WWOX: variants seen among roughly 807,000 people sequenced by gnomAD.
The protein encoded by WWOX is WW domain containing oxidoreductase.
In WWOX, 69 loss-of-function variants were observed where a neutral mutation model predicts 46.2. The ratio of observed to expected loss-of-function variants is 1.49; its 90% CI spans 1.23 to 1.82. WWOX has a LOEUF of 1.82. Among genes scored for constraint, WWOX ranks in the 40% most tolerant of loss-of-function variants. The pLI, the probability that WWOX is intolerant of heterozygous loss-of-function variation, is 0.00. For synonymous variants in WWOX, 359 were observed against 202.6 expected (o/e 1.77, Z -6.56); for missense variants, 919 against 542.6 (o/e 1.69, Z -6.89).
chr16:78,579,201 A>C (rs778287031), intron 8 of WWOX, among the ~76,000 whole-genome samples: 1 of 152,122 alleles, frequency 6.6e-6, no homozygotes, highest in African/African-American at 2.4e-5. Flanking sequence ...GTGTTACTTT[A>C]CTAACTACCA....
chr16:78,758,534 G>A (rs190643944), intron 8 of WWOX, among the ~76,000 whole-genome samples: 80 of 152,274 alleles, frequency 5.3e-4, no homozygotes, highest in South Asian at 1.0e-3. Context: ...GTGTCGTAAC[G>A]CCACTATCTA....
At position 78,427,725 on chromosome 16, in the gene WWOX, C is replaced by T. The variant is rs76042796; in HGVS notation, c.791+2670C>T. ...CCCAGGAGTTTGAGGTTGCGGTAAG[C>T]GTTGATCATGCCACTGCATTCCAGC... On this transcript the variant is annotated intron_variant, in intron 7 of 8. Coordinates refer to ENST00000566780, the MANE Select transcript of WWOX (RefSeq NM_016373.4). 6.6e-3 allele frequency among the ~76,000 whole-genome samples: 1,007 copies of T among 152,092 alleles called. 6 individuals carry two copies. Among genetic ancestry groups the T allele is most frequent in the African/African-American group, 0.023 (942 of 41,488 alleles).
intron 8 of WWOX, among the ~76,000 whole-genome samples, chr16:78,787,287 G>C (rs1001893582): frequency 6.6e-6 from 1 of 152,034 alleles, no homozygotes; most frequent in African/African-American, 2.4e-5. Flanking sequence ...ACCATCCCCC[G>C]CTAAAGAAAC....
At chr16:78,855,035 A>C (rs543559045) in intron 8 of WWOX, among the ~76,000 whole-genome samples, 1 of 152,282 alleles carries the variant, frequency 6.6e-6, no homozygotes, top group South Asian at 2.1e-4. Context: ...ATCATAAATA[A>C]GTCAGGACTA....
chr16:78,425,057 TG>T lies in WWOX; in HGVS notation c.791+5del. On this transcript the variant is annotated splice_donor_region_variant and intron_variant, in intron 7 of 8. Transcript: ENST00000566780. The stretch of plus-strand genomic sequence containing the variant: ...TGTGGTCTCCTCAGAGTCCCATCGG[TG>T]GGTTTGAATTGCATATTTGTTCACT... The T allele has an allele frequency of 6.2e-7, 1 of 1,613,370 alleles. No individual in the cohort carries two copies. The highest frequency in any genetic ancestry group is 8.5e-7 in the Non-Finnish European group (1 of 1,179,996).
chr16:78,166,442 T>C (rs2034974049), intron 5 of WWOX, among the ~76,000 whole-genome samples: 1 of 152,252 alleles, frequency 6.6e-6, no homozygotes, highest in African/African-American at 2.4e-5. Flanking sequence ...TTTACGTATT[T>C]GTGAGTAAAT....
At chr16:79,066,659 C>T (rs2048447434) in intron 8 of WWOX, among the ~76,000 whole-genome samples, 1 of 152,200 alleles carries the variant, frequency 6.6e-6, no homozygotes, top group Non-Finnish European at 1.5e-5. Context: ...CATTCAGGTG[C>T]CCACTTAATT....
At chr16:79,162,436 C>T (rs755630776) in intron 8 of WWOX, among the ~76,000 whole-genome samples, 14 of 152,230 alleles carry the variant, frequency 9.2e-5, no homozygotes, top group Admixed American at 5.2e-4. Context: ...CTTCTGGATT[C>T]CGTAGGTAGG....
chr16:78,194,018 C>A (rs1281130510), intron 5 of WWOX, among the ~76,000 whole-genome samples: 1 of 151,226 alleles, frequency 6.6e-6, no homozygotes, highest in East Asian at 2.0e-4. Context: ...GCTGGGACTA[C>A]AGGCGCCCAC....
chr16:78,221,727 G>A (rs1012862320), intron 5 of WWOX, among the ~76,000 whole-genome samples: 1 of 152,138 alleles, frequency 6.6e-6, no homozygotes, highest in African/African-American at 2.4e-5. Flanking sequence ...AGATTGCCTT[G>A]GAGTGATGTG....
chr16:78,476,530 C>T (rs1651172847), intron 8 of WWOX, among the ~76,000 whole-genome samples: 1 of 151,940 alleles, frequency 6.6e-6, no homozygotes, highest in African/African-American at 2.4e-5. Flanking sequence ...GGGTGCAGCA[C>T]ACCAACACAG....
In WWOX at chr16:78,278,461, G is replaced by C. The variant is rs1408158611; in HGVS notation, c.517-108399G>C. 17 of 746,074 alleles carry C rather than the reference G, an allele frequency of 2.3e-5. No individual in the cohort carries two copies. The Admixed American group carries it at 4.9e-4, about 22-fold the overall frequency. The allele number at this position is 746,074 out of a possible 1,614,324, so 46.2% of individuals were successfully genotyped here. A position where few individuals can be genotyped will look rare whatever the true frequency, so the allele number is the denominator to read the frequency against. On this transcript the variant is annotated intron_variant, in intron 5 of 8. Transcript: ENST00000566780. ...GTGCCAAACTGCAATTAAATAGGAG[G>C]TGTTGGAAGAAGGTTTTATTTAACC...
chr16:78,376,144 C>A (rs1229703687), intron 5 of WWOX, among the ~76,000 whole-genome samples: 1 of 152,164 alleles, frequency 6.6e-6, no homozygotes, highest in Non-Finnish European at 1.5e-5. Flanking sequence ...GCCACCACGC[C>A]CAGCCGCTTC....
chr16:78,594,429 G>GGCCCCCCCCCCCCC (rs2045429050), intron 8 of WWOX, among the ~76,000 whole-genome samples: 1 of 32,380 alleles, frequency 3.1e-5, no homozygotes, highest in Admixed American at 6.2e-4. Context: ...CTGAGGAAAG[G>GGCCCCCCCCCCCCC]CCCCCCCCCC....
At chr16:78,850,164 G>C (rs1213467540) in intron 8 of WWOX, among the ~76,000 whole-genome samples, 2 of 152,002 alleles carry the variant, frequency 1.3e-5, no homozygotes, top group African/African-American at 4.8e-5. Context: ...GTGTGTGTGA[G>C]TGTGTGTGTG....
intron 5 of WWOX, among the ~76,000 whole-genome samples, chr16:78,178,362 G>A (rs926642409): frequency 1.3e-5 from 2 of 152,216 alleles, no homozygotes; most frequent in Non-Finnish European, 2.9e-5. Flanking sequence ...TTATTGGACA[G>A]TTGGAAATGT....
rs2052509271 is a variant in WWOX at position 78,853,920 on chromosome 16, G to C, written c.1057-357688G>C. Among the ~76,000 whole-genome samples, 3 of 152,094 alleles carry C rather than the reference G, an allele frequency of 2.0e-5. No individual in the cohort carries two copies. The South Asian group carries it at 6.2e-4, about 32-fold the overall frequency. ...GACATTGATGTAATTTAAAATACTT[G>C]TAGTATCATGGATACAAACATATGC... On this transcript the variant is annotated intron_variant, in intron 8 of 8. Transcript: ENST00000566780.
intron 8 of WWOX, among the ~76,000 whole-genome samples, chr16:78,784,461 A>G (rs1008180606): frequency 9.9e-5 from 15 of 152,110 alleles, no homozygotes; most frequent in Middle Eastern, 3.4e-3. Flanking sequence ...CCCATTAGGG[A>G]TTATTAATAT....
At chr16:78,943,712 A>T (rs1021653230) in intron 8 of WWOX, among the ~76,000 whole-genome samples, 19 of 152,168 alleles carry the variant, frequency 1.2e-4, no homozygotes, top group Non-Finnish European at 2.6e-4. Flanking sequence ...CAGGGATGGG[A>T]CCAGCAGTAA....
Sources: gnomAD v4.1 joint callset for allele counts (sites outside exome capture counted in the v4.1 genomes callset) on GRCh38, gnomAD v4.1.1 for gene constraint, MANE v1.5 for transcripts, NCBI Gene and HGNC (gene_info 2026-07-23, HGNC 2026-07-21) for gene names.